The following VPS16 variants were observed in gnomAD, a reference collection of about 807,000 sequenced individuals.
VPS16 encodes vacuolar protein sorting-associated protein 16 homolog.
In VPS16, 82 loss-of-function variants were observed where a neutral mutation model predicts 116.0. That is an observed-to-expected ratio of 0.71 (90% CI 0.59 to 0.85). The LOEUF is 0.85. VPS16 is among the 40% of genes least tolerant of loss of function. The pLI is 0.00. For missense variants in VPS16, 928 were observed against 1,090.6 expected (o/e 0.85, Z 2.10); for synonymous variants, 406 against 420.7 (o/e 0.96, Z 0.43).
rs764107852 is a variant in VPS16, at chr20:2,864,403, CGAG to C, written c.1763_1765del (p.Gly588del). On this transcript the variant is annotated inframe_deletion, in exon 18 of 24. Coordinates refer to ENST00000380445, the MANE Select transcript of VPS16 (RefSeq NM_022575.4). The surrounding 1 kb of genome is among the most constrained non-coding windows in gnomAD (Gnocchi z 5.2). Reference sequence around the variant, plus strand: ...GCTGCACCTGAAGAACGAGCTGAACCGAGGAGATTTTTTCATGACCCTTCGGAA... The same window carrying C: ...GCTGCACCTGAAGAACGAGCTGAACCGAGATTTTTTCATGACCCTTCGGAA... 1 of 1,614,136 alleles carries C rather than the reference CGAG, an allele frequency of 6.2e-7. No homozygotes were observed. Among genetic ancestry groups the C allele is most frequent in the Non-Finnish European group, 8.5e-7 (1 of 1,180,030 alleles).
chr20:2,859,925 G>A lies in VPS16; in HGVS notation c.142+118G>A, dbSNP rs187869057. The A allele has an allele frequency of 1.7e-5, 26 of 1,488,232 alleles. No homozygotes were observed. The Middle Eastern group carries it at 7.3e-4, about 42-fold the overall frequency. 92.2% of individuals were successfully genotyped at this position (1,488,232 alleles called of 1,614,324 possible). On this transcript the variant is annotated intron_variant, in intron 2 of 23. Coordinates refer to ENST00000380445, the MANE Select transcript of VPS16 (RefSeq NM_022575.4). ...TGCCACCCCCCACTCACCCTGCTGA[G>A]ATGCTTTTACTTCTGGTTTTTATAG... is the stretch of plus-strand genomic sequence containing the variant.
chr20:2,862,549 A>T (rs2089243500), intron 11 of VPS16, 30 bp from the exon 12 acceptor site: 2 of 1,605,282 alleles, frequency 1.2e-6, no homozygotes, highest in Non-Finnish European at 1.7e-6. Context: ...CTCTGTCATG[A>T]TGCCCTGGCT....
At chr20:2,849,623 G>A (rs1176901169) in intron 1 of VPS16, among the ~76,000 whole-genome samples, 2 of 151,076 alleles carry the variant, frequency 1.3e-5, no homozygotes, top group Admixed American at 6.6e-5. Context: ...TTTGGGGGGG[G>A]TGGGTGCTGT....
rs141415553 is a variant in VPS16 at position 2,840,792 on chromosome 20, G to T, written c.18G>T (p.Ala6=). The stretch of plus-strand genomic sequence containing the variant: ...CACCAGCCATGGACTGCTACACGGC[G>T]AACTGGAACCCACTCGGGGACTCTG... MDCYT[A]NWNPLGDSAF... is the part of the protein sequence containing the mutation. The change falls in exon 1 of 24, where the codon GCG becomes GCT. Residue 6 remains alanine, a synonymous_variant. Coordinates refer to ENST00000380445, the MANE Select transcript of VPS16 (RefSeq NM_022575.4). The T allele has an allele frequency of 1.9e-6, 3 of 1,548,398 alleles. No homozygotes were observed. Among genetic ancestry groups the T allele is most frequent in the Non-Finnish European group, 2.6e-6 (3 of 1,146,602 alleles).
chr20:2,856,968 CTTTTTCTTTTTCTTTTTTTTT>C (rs1358013678), intron 1 of VPS16, among the ~76,000 whole-genome samples: 1 of 108,576 alleles, frequency 9.2e-6, no homozygotes, highest in Non-Finnish European at 1.7e-5. Context: ...ACTTTTTTTT[CTTTTTCTTTTTCTTTTTTTTT>C]TTTTTTGAGA....
chr20:2,859,575 C>T lies in VPS16; in HGVS notation c.54-144C>T, dbSNP rs370328191. 2.3e-3 allele frequency: 2,206 copies of T among 952,826 alleles called. 9 individuals are homozygous for T. The highest frequency in any genetic ancestry group is 2.6e-3 in the Middle Eastern group (11 of 4,260). 59.0% of individuals were successfully genotyped at this position (952,826 alleles called of 1,614,324 possible). ...CACCCAACTTTCTGGTCATCACCCT[C>T]CTCCCTCCCTCTGGGGGTAGAGAGT... is the stretch of plus-strand genomic sequence containing the variant. On this transcript the variant is annotated intron_variant, in intron 1 of 23. Coordinates refer to ENST00000380445, the MANE Select transcript of VPS16 (RefSeq NM_022575.4).
intron 1 of VPS16, among the ~76,000 whole-genome samples, chr20:2,843,277 C>G (rs186558984): frequency 6.4e-4 from 97 of 151,996 alleles, no homozygotes; most frequent in Non-Finnish European, 1.2e-3. Flanking sequence ...ACTAGAAATA[C>G]AAAAATTTGC....
chr20:2,863,517 C>G lies in VPS16; in HGVS notation c.1476+119C>G. ...GTGGCTCATGCCTGTAATCCCAACA[C>G]TTTGGGAGGCTGAGGCGGGCGAATC... On this transcript the variant is annotated intron_variant, in intron 15 of 23. Coordinates refer to ENST00000380445, the MANE Select transcript of VPS16 (RefSeq NM_022575.4). This position sits in a 1 kb window ranked among gnomAD's most constrained non-coding sequence, Gnocchi z 4.4. 13 of 996,028 alleles carry G rather than the reference C, an allele frequency of 1.3e-5. No homozygotes were observed. The highest frequency in any genetic ancestry group is 1.9e-5 in the Non-Finnish European group (13 of 667,792). 61.7% of individuals were successfully genotyped at this position (996,028 alleles called of 1,614,324 possible).
intron 1 of VPS16, among the ~76,000 whole-genome samples, chr20:2,857,781 G>A (rs1202632175): frequency 2.0e-5 from 3 of 151,928 alleles, no homozygotes; most frequent in Non-Finnish European, 4.4e-5. Context: ...CATGATCCTG[G>A]CTCACTGTAA....
intron 7 of VPS16, 28 bp from the exon 8 acceptor site, chr20:2,861,197 G>T: frequency 1.2e-6 from 2 of 1,614,190 alleles, no homozygotes; most frequent in Non-Finnish European, 1.7e-6. Context: ...GCTGGGACAG[G>T]GCCATGACAT....
chr20:2,849,621 G>T (rs572529169), intron 1 of VPS16, among the ~76,000 whole-genome samples: 2 of 151,782 alleles, frequency 1.3e-5, no homozygotes, highest in Admixed American at 6.6e-5. Context: ...TTTTTGGGGG[G>T]GGTGGGTGCT....
intron 11 of VPS16, 195 bp from the exon 12 acceptor site, chr20:2,862,384 A>C: frequency 8.1e-7 from 1 of 1,231,902 alleles, no homozygotes; most frequent in Non-Finnish European, 1.1e-6. Flanking sequence ...AGGCCCCCCT[A>C]AAGGCAGCTG....
chr20:2,865,176 G>A lies in VPS16; in HGVS notation c.2033G>A (p.Arg678Gln), dbSNP rs765879503. Residue 678 changes from arginine to glutamine, a missense_variant, in exon 21 of 24, where the codon CGG (arginine) becomes CAG (glutamine). Transcript: ENST00000380445. This position sits in a 1 kb window ranked among gnomAD's most constrained non-coding sequence, Gnocchi z 5.2. The part of the protein sequence containing the change: ...KATEDQMRLL[R>Q]LQRRLEDELG... ...ACAGAGGATCAAATGCGGCTCCTAC[G>A]GCTGCAGCGGCGCCTAGAAGACGAG... 7.4e-6 allele frequency: 12 copies of A among 1,614,110 alleles called. No homozygotes were observed. The highest frequency in any genetic ancestry group is 1.6e-4 in the Middle Eastern group (1 of 6,062).
Position 2,865,516 on chromosome 20 carries a change from C to A in VPS16, c.2271+21C>A, listed in dbSNP as rs765735474. On this transcript the variant is annotated intron_variant, in intron 22 of 23. Coordinates refer to ENST00000380445, the MANE Select transcript of VPS16 (RefSeq NM_022575.4). The surrounding 1 kb of genome is among the most constrained non-coding windows in gnomAD (Gnocchi z 5.2). ...ACCTGGTGAGGCAGGGTCCTCCCTCCAGCCCACTTCCAGTGAGGGTAGTCT... is the reference window on the plus strand; with the variant it reads ...ACCTGGTGAGGCAGGGTCCTCCCTCAAGCCCACTTCCAGTGAGGGTAGTCT... The A allele has an allele frequency of 6.2e-7, 1 of 1,607,124 alleles. No homozygotes were observed. Among genetic ancestry groups the A allele is most frequent in the East Asian group, 2.2e-5 (1 of 44,858 alleles).
chr20:2,863,819 A>AAG lies in VPS16; in HGVS notation c.1477-124_1477-123dup, dbSNP rs750546846. 40 of 937,816 alleles carry AAG rather than the reference A, an allele frequency of 4.3e-5. No homozygotes were observed. The highest frequency in any genetic ancestry group is 5.5e-5 in the Non-Finnish European group (39 of 707,360). 58.1% of individuals were successfully genotyped at this position (937,816 alleles called of 1,614,324 possible). A position where few individuals can be genotyped will look rare whatever the true frequency, so the allele number is the denominator to read the frequency against. ...AGGAGGGAAAGAGAGAGAAAGAAGA[A>AAG]AGAGAGAAAGAAAGAAAGAAGAAGG... On this transcript the variant is annotated intron_variant, in intron 15 of 23. Coordinates refer to ENST00000380445, the MANE Select transcript of VPS16 (RefSeq NM_022575.4). The surrounding 1 kb of genome is among the most constrained non-coding windows in gnomAD (Gnocchi z 4.4).
chr20:2,845,504 A>G (rs1426358859), intron 1 of VPS16, among the ~76,000 whole-genome samples: 1 of 151,816 alleles, frequency 6.6e-6, no homozygotes, highest in Non-Finnish European at 1.5e-5. Flanking sequence ...TGTTTTTTTG[A>G]TACATAAACA....
intron 1 of VPS16, among the ~76,000 whole-genome samples, chr20:2,842,637 TAGATAGATAGATATAG>T: frequency 7.1e-6 from 1 of 141,422 alleles, no homozygotes; most frequent in Admixed American, 7.0e-5. Flanking sequence ...TATCTATCTA[TAGATAGATAGATATAG>T]ATAGATATAT....
intron 1 of VPS16, among the ~76,000 whole-genome samples, chr20:2,844,728 G>T (rs1174920145): frequency 2.0e-5 from 3 of 152,144 alleles, no homozygotes; most frequent in Non-Finnish European, 4.4e-5. Flanking sequence ...CCTATCCAGG[G>T]GATGAGTAGA....
chr20:2,853,873 G>A (rs572758946), intron 1 of VPS16, among the ~76,000 whole-genome samples: 31 of 151,898 alleles, frequency 2.0e-4, no homozygotes, highest in Non-Finnish European at 3.2e-4. Context: ...GGGTTTCACC[G>A]TGTTGGCCAG....
Sources: gnomAD v4.1 joint callset for allele counts (sites outside exome capture counted in the v4.1 genomes callset) on GRCh38, gnomAD v4.1.1 for gene constraint, Gnocchi (gnomAD v3.1) non-coding constraint, MANE v1.5 for transcripts, NCBI Gene and HGNC (gene_info 2026-07-23, HGNC 2026-07-21) for gene names.